Variants in CLCA1 observed in about 807,000 individuals in gnomAD.
The protein encoded by CLCA1 is chloride channel accessory 1, also known as calcium-activated chloride channel regulator 1.
Under a neutral mutation model 85.6 loss-of-function variants are expected in CLCA1, and 59 were observed. That is an observed-to-expected ratio of 0.69 (90% CI 0.56 to 0.86). The LOEUF (loss-of-function observed/expected upper bound fraction) is 0.86. CLCA1 is among the 40% of genes least tolerant of loss of function. The probability of loss-of-function intolerance (pLI) is 0.00; values close to 1 mark genes in which losing one functional copy is unlikely to be tolerated. For synonymous variants in CLCA1, 396 were observed against 398.3 expected (o/e 0.99, Z 0.07); for missense variants, 1,022 against 1,101.4 (o/e 0.93, Z 1.02).
At chr1:86,482,499 A>T in intron 5 of CLCA1, 117 bp downstream of exon 5, 1 of 970,640 alleles carries the variant, frequency 1.0e-6, no homozygotes, top group Non-Finnish European at 1.5e-6. Context: ...GCAGTGGATT[A>T]TCTCTGGGAC....
chr1:86,498,448 C>G, intron 12 of CLCA1, 124 bp from the exon 13 acceptor site: 1 of 875,660 alleles, frequency 1.1e-6, no homozygotes, highest in East Asian at 2.5e-5. Context: ...AAAATTAATT[C>G]TGTGTGTGGA....
In CLCA1 at chr1:86,500,026, T is replaced by G. The variant is rs762887660; in HGVS notation, c.2726T>G (p.Leu909Arg). Residue 909 changes from leucine (L) to arginine (R), a missense_variant, in exon 14 of 14, where the codon CTG (leucine) becomes CGG (arginine). Transcript: ENST00000394711. ...ATTATGTGGAAGTGGATAGGAGAAC[T>G]GCAGCTGTCAATAGCCTAGGGCTGA... ...LKIMWKWIGE[L>R]QLSIA The G allele has an allele frequency of 6.4e-5, 103 of 1,610,178 alleles. No homozygotes were observed. In the East Asian group the frequency reaches 2.3e-3, roughly 36 times the overall value.
chr1:86,472,381 T>G lies in CLCA1; in HGVS notation c.163-1036T>G, dbSNP rs372043961. Among the ~76,000 whole-genome samples, 4 of 152,202 alleles carry G rather than the reference T, an allele frequency of 2.6e-5. No individual in the cohort carries two copies. In the East Asian group the frequency reaches 5.8e-4, roughly 22 times the overall value. On this transcript the variant is annotated intron_variant, in intron 1 of 13. Transcript: ENST00000394711. ...TCTCATCCCACAGCTCCTCATTTCC[T>G]CTGCAGGCACTGACTGCCCTTCTGA...
At chr1:86,473,172 G>A (rs1314487488) in intron 1 of CLCA1, among the ~76,000 whole-genome samples, 1 of 152,186 alleles carries the variant, frequency 6.6e-6, no homozygotes, top group Non-Finnish European at 1.5e-5. Context: ...CACAAAAAGT[G>A]GTGCAGCCAG....
intron 3 of CLCA1, among the ~76,000 whole-genome samples, chr1:86,474,327 G>A (rs1647583869): frequency 6.6e-6 from 1 of 152,124 alleles, no homozygotes; most frequent in East Asian, 1.9e-4. Flanking sequence ...GGCCGAGGCG[G>A]GCGGATCACG....
chr1:86,473,817 G>T lies in CLCA1; in HGVS notation c.392G>T (p.Arg131Met). Residue 131 changes from arginine to methionine, a missense_variant, in exon 3 of 14, where the codon AGG becomes ATG. Transcript: ENST00000394711. ...GGCAACTGTGGAGAGAAGGGTGAAA[G>T]GATCCACCTCACTCCTGATTTCATT... ...QMGNCGEKGE[R>M]IHLTPDFIAG... is the part of the protein sequence containing the mutation. The T allele has an allele frequency of 1.2e-6, 2 of 1,612,208 alleles. No individual in the cohort carries two copies. The highest frequency in any genetic ancestry group is 2.2e-5 in the East Asian group (1 of 44,862).
rs1188456510 is a variant in CLCA1 at position 86,494,364 on chromosome 1, C to G, written c.1858C>G (p.Pro620Ala). 1.9e-6 allele frequency: 3 copies of G among 1,614,188 alleles called. No homozygotes were observed. The African/African-American group carries it at 4.0e-5, about 22-fold the overall frequency. The part of the protein sequence containing the change: ...VYANIRQGAS[P>A]ILRASVTALI... ...TGCAAATATTCGCCAAGGAGCCTCC[C>G]CAATTCTCAGGGCCAGTGTCACAGC... Residue 620 changes from proline to alanine, a missense_variant, in exon 11 of 14, where the codon CCA (proline) becomes GCA (alanine). Coordinates refer to ENST00000394711, the MANE Select transcript of CLCA1 (RefSeq NM_001285.4).
chr1:86,481,619 A>G (rs1647825155), intron 4 of CLCA1, among the ~76,000 whole-genome samples: 1 of 152,040 alleles, frequency 6.6e-6, no homozygotes, highest in Non-Finnish European at 1.5e-5. Flanking sequence ...TCTTTTCTTC[A>G]TGCTTTTTGC....
chr1:86,473,051 T>C (rs2101727521), intron 1 of CLCA1, among the ~76,000 whole-genome samples: 1 of 152,324 alleles, frequency 6.6e-6, no homozygotes, highest in Middle Eastern at 3.4e-3. Context: ...TAGCACATCA[T>C]ATGTTTCACT....
At chr1:86,486,046 G>A (rs1647957975) in intron 6 of CLCA1, among the ~76,000 whole-genome samples, 1 of 151,748 alleles carries the variant, frequency 6.6e-6, no homozygotes, top group Admixed American at 6.6e-5. Flanking sequence ...GAGAGAGTGC[G>A]CAATGTGGGA....
At chr1:86,480,996 A>C (rs922912475) in intron 4 of CLCA1, among the ~76,000 whole-genome samples, 5 of 152,176 alleles carry the variant, frequency 3.3e-5, no homozygotes, top group African/African-American at 9.7e-5. Context: ...TACAGTCAAA[A>C]TTGGATATGA....
In CLCA1 at chr1:86,494,215, C is replaced by A; in HGVS notation, c.1709C>A (p.Ala570Glu). The change falls in exon 11 of 14, where the codon GCA (alanine) becomes GAA (glutamate). Residue 570 changes from alanine (A) to glutamate (E), a missense_variant. Physicochemically the swap from Ala to Glu is moderately radical, Grantham distance 107. Coordinates refer to ENST00000394711, the MANE Select transcript of CLCA1 (RefSeq NM_001285.4). ...KVGTWKYSLQ[A>E]SSQTLTLTVT... ...GGCACTTGGAAATACAGTCTGCAAG[C>A]AAGCTCACAAACCTTGACCCTGACT... 6.2e-7 allele frequency: 1 copy of A among 1,614,236 alleles called. No homozygotes were observed. The highest frequency in any genetic ancestry group is 8.5e-7 in the Non-Finnish European group (1 of 1,180,042).
intron 4 of CLCA1, among the ~76,000 whole-genome samples, chr1:86,478,601 C>T (rs1474752039): frequency 6.6e-6 from 1 of 152,206 alleles, no homozygotes; most frequent in African/African-American, 2.4e-5. Context: ...CAGTGGGCAC[C>T]ATTCCAAACC....
rs1647940632 is a variant in CLCA1 at position 86,485,524 on chromosome 1, T to C, written c.917T>C (p.Ile306Thr). The C allele has an allele frequency of 2.5e-6, 4 of 1,614,130 alleles. No individual in the cohort carries two copies. The highest frequency in any genetic ancestry group is 2.7e-5 in the African/African-American group (2 of 75,004). Reference protein sequence around the residue: ...TFSLLQIGQRIVCLVLDKSGS... With the variant: ...TFSLLQIGQRTVCLVLDKSGS... ...TCATTGCTGCAGATTGGACAAAGAA[T>C]TGTGTGTTTAGTCCTTGACAAATCT... The change falls in exon 6 of 14, where the codon ATT becomes ACT. Residue 306 changes from isoleucine (I) to threonine (T), a missense_variant. By Grantham distance (89) the Ile-to-Thr change is moderately conservative. Coordinates refer to ENST00000394711, the MANE Select transcript of CLCA1 (RefSeq NM_001285.4).
intron 4 of CLCA1, 31 bp downstream of exon 4, chr1:86,476,584 A>G (rs1558134693): frequency 2.6e-6 from 3 of 1,145,756 alleles, no homozygotes; most frequent in Non-Finnish European, 3.9e-6. Context: ...CTTGTTCCAA[A>G]CTATTTTAAA....
chr1:86,469,431 A>G (rs1404927105), intron 1 of CLCA1, among the ~76,000 whole-genome samples: 3 of 152,238 alleles, frequency 2.0e-5, no homozygotes, highest in Admixed American at 2.0e-4. Flanking sequence ...TTCTATAGTA[A>G]GGCAGAGTCA....
Position 86,482,280 on chromosome 1 carries a change from A to AT in CLCA1, c.635dup (p.Asn213GlnfsTer2). On this transcript the variant is annotated frameshift_variant, in exon 5 of 14. Coordinates refer to ENST00000394711, the MANE Select transcript of CLCA1 (RefSeq NM_001285.4). LOFTEE classifies it high-confidence loss of function. Reference sequence around the variant, plus strand: ...GCAGCTGTTACACCAAAAGATGCACATTCAATAAAGTAACAGGACTCTATG... The same window carrying AT: ...GCAGCTGTTACACCAAAAGATGCACATTTCAATAAAGTAACAGGACTCTATG... 1 of 1,613,964 alleles carries AT rather than the reference A, an allele frequency of 6.2e-7. No individual in the cohort carries two copies. The highest frequency in any genetic ancestry group is 1.1e-5 in the South Asian group (1 of 91,074).
In CLCA1 at chr1:86,494,387, A is replaced by C. The variant is rs1648220299; in HGVS notation, c.1881A>C (p.Thr627=). The part of the protein sequence containing the change: ...GASPILRASV[T]ALIESVNGKT... ...CCCCAATTCTCAGGGCCAGTGTCACAGCCCTGATTGAATCAGTGAATGGAA... is the reference window on the plus strand; with the variant it reads ...CCCCAATTCTCAGGGCCAGTGTCACCGCCCTGATTGAATCAGTGAATGGAA... The change falls in exon 11 of 14, where the codon ACA becomes ACC. Residue 627 remains threonine, a synonymous_variant. Transcript: ENST00000394711. 1 of 1,613,880 alleles carries C rather than the reference A, an allele frequency of 6.2e-7. No homozygotes were observed. Among genetic ancestry groups the C allele is most frequent in the African/African-American group, 1.3e-5 (1 of 74,960 alleles).
Position 86,499,699 on chromosome 1 carries a change from G to T in CLCA1, c.2399G>T (p.Arg800Ile). The T allele has an allele frequency of 6.2e-7, 1 of 1,602,900 alleles. No individual in the cohort carries two copies. The change falls in exon 14 of 14, where the codon AGA (arginine) becomes ATA (isoleucine). Residue 800 changes from arginine (R) to isoleucine (I), a missense_variant. Coordinates refer to ENST00000394711, the MANE Select transcript of CLCA1 (RefSeq NM_001285.4). The part of the protein sequence containing the change: ...IRISTSILDL[R>I]DKFNESLQVN... The stretch of plus-strand genomic sequence containing the variant: ...ATAAGTACAAGTATTCTTGATCTCA[G>T]AGACAAGTTCAATGAATCTCTTCAA...
Sources: allele counts gnomAD v4.1 joint callset (sites outside exome capture counted in the v4.1 genomes callset), GRCh38; gene constraint gnomAD v4.1.1; transcripts MANE v1.5; gene names NCBI Gene and HGNC (gene_info 2026-07-23, HGNC 2026-07-21).